Variants in FSCN2 observed in about 807,000 individuals in gnomAD.
The protein encoded by FSCN2 is fascin actin-bundling protein 2, retinal.
Under a neutral mutation model 37.8 loss-of-function variants are expected in FSCN2, and 46 were observed. The observed-to-expected ratio is 1.22, with a 90% CI of 0.96 to 1.56. The LOEUF is 1.56. Among genes scored for constraint, FSCN2 ranks in the 40% most tolerant of loss-of-function variants. FSCN2 has a pLI of 0.00. For synonymous variants in FSCN2, 351 were observed against 309.4 expected (o/e 1.13, Z -1.41); for missense variants, 844 against 730.4 (o/e 1.16, Z -1.79).
the FSCN2 span, among the ~76,000 whole-genome samples, chr17:81,516,287 A>G: frequency 6.6e-6 from 1 of 152,256 alleles, no homozygotes; most frequent in Non-Finnish European, 1.5e-5. Context: ...CAGTTGTCCC[A>G]TGACCGTGTA....
At chr17:81,531,855 GTGGTGATGGCGATGATGGTGATGA>G (rs1568078322) in intron 1 of FSCN2, among the ~76,000 whole-genome samples, 3 of 92,044 alleles carry the variant, frequency 3.3e-5, no homozygotes, top group South Asian at 3.9e-4. Context: ...GATGGTGATG[GTGGTGATGGCGATGATGGTGATGA>G]TGGTGATGGC....
At chr17:81,517,498 A>G in the FSCN2 span, among the ~76,000 whole-genome samples, 18 of 152,118 alleles carry the variant, frequency 1.2e-4, no homozygotes, top group Admixed American at 1.3e-4. Flanking sequence ...CTTGCCTGAC[A>G]CCCAGGGGCT....
chr17:81,519,309 C>G, the FSCN2 span, among the ~76,000 whole-genome samples: 2,490 of 152,210 alleles, frequency 0.016, 48 homozygotes, highest in Non-Finnish European at 0.021. Context: ...GCCTCAGCTC[C>G]GCGCACTCCC....
intron 1 of FSCN2, among the ~76,000 whole-genome samples, chr17:81,531,612 ATGATGGTGATGGTGGTGG>A (rs2032612166): frequency 9.0e-6 from 1 of 111,316 alleles, no homozygotes; most frequent in Admixed American, 8.9e-5. Context: ...GATAATGGTG[ATGATGGTGATGGTGGTGG>A]TGATGGTGGT....
chr17:81,522,081 A>G, the FSCN2 span, among the ~76,000 whole-genome samples: 1 of 151,974 alleles, frequency 6.6e-6, no homozygotes, highest in Non-Finnish European at 1.5e-5. Flanking sequence ...ATCTCGGCTC[A>G]CTGCAACCTC....
chr17:81,536,582 G>A lies in FSCN2; in HGVS notation c.1106-40G>A, dbSNP rs2032885061. ...ACCCCGCCCGGCCTGGACAGGGAAGGTGGCGGGAGGGGCAGCGCAGCAGAC... is the reference window on the plus strand; with the variant it reads ...ACCCCGCCCGGCCTGGACAGGGAAGATGGCGGGAGGGGCAGCGCAGCAGAC... On this transcript the variant is annotated intron_variant, in intron 3 of 4. Transcript: ENST00000417245. The A allele has an allele frequency of 1.2e-6, 2 of 1,603,506 alleles. No homozygotes were observed. The highest frequency in any genetic ancestry group is 1.1e-5 in the South Asian group (1 of 90,686).
At chr17:81,522,022 C>T in the FSCN2 span, among the ~76,000 whole-genome samples, 1 of 151,614 alleles carries the variant, frequency 6.6e-6, no homozygotes. Context: ...TTTTTTGAAA[C>T]GGAGTCTCAC....
chr17:81,526,581 G>A (rs561039924), upstream of FSCN2, among the ~76,000 whole-genome samples: 4 of 152,328 alleles, frequency 2.6e-5, no homozygotes, highest in South Asian at 2.1e-4. Flanking sequence ...CCAAGATTGC[G>A]CCACTGGACT....
chr17:81,532,134 ATGG>A (rs1261746709), intron 1 of FSCN2, among the ~76,000 whole-genome samples: 3 of 122,294 alleles, frequency 2.5e-5, no homozygotes, highest in Admixed American at 7.9e-5. Flanking sequence ...GATGATAGTG[ATGG>A]TGATGATGGT....
intron 1 of FSCN2, among the ~76,000 whole-genome samples, chr17:81,532,681 T>C (rs965365511): frequency 8.7e-5 from 13 of 149,152 alleles, no homozygotes; most frequent in African/African-American, 2.9e-4. Flanking sequence ...ATGGTGATGA[T>C]AGTGATGGTG....
chr17:81,530,545 G>A (rs2032516503), intron 1 of FSCN2: 1 of 483,958 alleles, frequency 2.1e-6, no homozygotes, highest in African/African-American at 2.0e-5. Context: ...GAGGTGGGGA[G>A]AGCCGGGTGC....
At chr17:81,525,282 G>A (rs577836486), upstream of FSCN2, among the ~76,000 whole-genome samples, 7 of 151,622 alleles carry the variant, frequency 4.6e-5, no homozygotes, top group Non-Finnish European at 8.8e-5. Flanking sequence ...AAAAACTAGC[G>A]GGGCGTGGTG....
Position 81,529,162 on chromosome 17 carries a change from A to G in FSCN2, c.631A>G (p.Thr211Ala). 1 of 1,589,028 alleles carries G rather than the reference A, an allele frequency of 6.3e-7. No individual in the cohort carries two copies. The highest frequency in any genetic ancestry group is 8.6e-7 in the Non-Finnish European group (1 of 1,169,196). ...VWEPEPRACY[T>A]LEFKAGKLAF... ...GGAGCCTGAGCCCCGTGCCTGCTAC[A>G]CGCTGGAGTTCAAGGCGGGCAAGCT... The change falls in exon 1 of 5, where the codon ACG (threonine) becomes GCG (alanine). Residue 211 changes from threonine (T) to alanine (A), a missense_variant. Physicochemically the swap from Thr to Ala is moderately conservative, Grantham distance 58. Transcript: ENST00000417245.
intron 1 of FSCN2, among the ~76,000 whole-genome samples, chr17:81,533,087 G>A (rs1033654811): frequency 7.2e-5 from 11 of 152,154 alleles, no homozygotes; most frequent in East Asian, 5.8e-4. Context: ...CAGCTGCAGC[G>A]TGGGTGGTGC....
chr17:81,526,848 G>C (rs1022562170), upstream of FSCN2, among the ~76,000 whole-genome samples: 1 of 152,216 alleles, frequency 6.6e-6, no homozygotes, highest in South Asian at 2.1e-4. Context: ...ACCTGGTTTC[G>C]CACACAGTTG....
Position 81,531,711 on chromosome 17 carries a change from G to A in FSCN2, c.826+2354G>A, listed in dbSNP as rs1344251653. On this transcript the variant is annotated intron_variant, in intron 1 of 4. Transcript: ENST00000417245. ...GATGATGGTGATGGTGATGATGATA[G>A]TGATGGTGGTGATGGTGATGGTGAT... Among the ~76,000 whole-genome samples the A allele has an allele frequency of 1.3e-4, 8 of 62,402 alleles. 1 individual carries two copies. The Middle Eastern group carries it at 0.044, about 347-fold the overall frequency. The allele number at this position is 62,402 out of a possible 152,430, so 40.9% of individuals were successfully genotyped here. A position where few individuals can be genotyped will look rare whatever the true frequency, so the allele number is the denominator to read the frequency against.
At chr17:81,531,333 G>A (rs201431648) in intron 1 of FSCN2, among the ~76,000 whole-genome samples, 27 of 86,290 alleles carry the variant, frequency 3.1e-4, no homozygotes, top group African/African-American at 7.9e-4. Context: ...GGTGGTGGTG[G>A]TGATGGTGGT....
Position 81,531,600 on chromosome 17 carries a change from ATGATAATGG to A in FSCN2, c.826+2248_826+2256del, listed in dbSNP as rs1427860597. ...GGTGATGATGGTGATGGTGATAGTG[ATGATAATGG>A]TGATGATGGTGATGGTGGTGGTGAT... On this transcript the variant is annotated intron_variant, in intron 1 of 4. Transcript: ENST00000417245. Among the ~76,000 whole-genome samples, 35 of 94,686 alleles carry A rather than the reference ATGATAATGG, an allele frequency of 3.7e-4. No homozygotes were observed. The South Asian group carries it at 0.013, about 36-fold the overall frequency. 62.1% of individuals were successfully genotyped at this position (94,686 alleles called of 152,430 possible). A position where few individuals can be genotyped will look rare whatever the true frequency, so the allele number is the denominator to read the frequency against.
At position 81,530,515 on chromosome 17, in the gene FSCN2, C is replaced by T. The variant is rs190972545; in HGVS notation, c.826+1158C>T. On this transcript the variant is annotated intron_variant, in intron 1 of 4. Transcript: ENST00000417245. ...TGGCTCCATGCACCCCAGAGTGGCT[C>T]GGAGGTGGTCTGAAAAGGCGAGGTG... 2,066 of 450,698 alleles carry T rather than the reference C, an allele frequency of 4.6e-3. 47 individuals carry two copies. In the Admixed American group the frequency reaches 0.048, roughly 10 times the overall value. 27.9% of individuals were successfully genotyped at this position (450,698 alleles called of 1,614,324 possible).
Sources: allele counts gnomAD v4.1 joint callset (sites outside exome capture counted in the v4.1 genomes callset), GRCh38; gene constraint gnomAD v4.1.1; transcripts MANE v1.5; gene names NCBI Gene and HGNC (gene_info 2026-07-23, HGNC 2026-07-21).